Variants in GTF2I observed in about 807,000 individuals in gnomAD.
GTF2I encodes the protein general transcription factor II-I.
In GTF2I, 12 loss-of-function variants were observed where a neutral mutation model predicts 67.6. The ratio of observed to expected loss-of-function variants is 0.18; its 90% CI spans 0.11 to 0.29. The LOEUF (loss-of-function observed/expected upper bound fraction) is 0.29, where lower values mean the gene tolerates loss of function less well. Ranked by LOEUF, GTF2I falls within the 10% of genes least tolerant of loss-of-function variation. The pLI, the probability that GTF2I is intolerant of heterozygous loss-of-function variation, is 1.00. For synonymous variants in GTF2I, 149 were observed against 197.0 expected, an observed-to-expected ratio of 0.76 and a Z score of 2.04; for missense variants, 271 against 580.1, an observed-to-expected ratio of 0.47 and a Z score of 5.47.
At chr7:74,677,746 C>T (rs1806026584) in intron 1 of GTF2I, among the ~76,000 whole-genome samples, 1 of 141,930 alleles carries the variant, frequency 7.0e-6, no homozygotes, top group African/African-American at 2.7e-5. Context: ...CACGCCACTG[C>T]ACTCCAGCCT....
At chr7:74,680,243 T>C (rs1288896738) in intron 1 of GTF2I, among the ~76,000 whole-genome samples, 16 of 149,456 alleles carry the variant, frequency 1.1e-4, no homozygotes, top group Non-Finnish European at 2.2e-4. Context: ...AGGGCATGAA[T>C]GTAATTTAAA....
intron 12 of GTF2I, among the ~76,000 whole-genome samples, chr7:74,720,246 G>GT (rs1203025344): frequency 9.9e-5 from 15 of 151,514 alleles, no homozygotes; most frequent in East Asian, 1.9e-4. Flanking sequence ...TACTTTATTA[G>GT]TTTTTTTTTC....
intron 12 of GTF2I, chr7:74,727,336 TCTATAGAAGTGA>T (rs1244046039): frequency 6.6e-6 from 1 of 152,332 alleles, no homozygotes; most frequent in East Asian, 1.9e-4. Flanking sequence ...CACAGAAGTG[TCTATAGAAGTGA>T]CCCAGTGCTG....
chr7:74,673,531 G>A lies in GTF2I; in HGVS notation c.-6+15463G>A, dbSNP rs587757623. Among the ~76,000 whole-genome samples the A allele has an allele frequency of 6.1e-5, 9 of 148,182 alleles. No individual in the cohort carries two copies. The South Asian group carries it at 8.6e-4, about 14-fold the overall frequency. The stretch of plus-strand genomic sequence containing the variant: ...CGAGTAGCTGGAATTACAGGCATGC[G>A]CAGCCATGCCTGGCTAATTTTGTAT... On this transcript the variant is annotated intron_variant, in intron 1 of 34. Coordinates refer to ENST00000573035, the MANE Select transcript of GTF2I (RefSeq NM_032999.4).
intron 3 of GTF2I, among the ~76,000 whole-genome samples, chr7:74,696,669 T>G (rs1290326774): frequency 6.6e-6 from 1 of 151,810 alleles, no homozygotes; most frequent in African/African-American, 2.4e-5. Flanking sequence ...ATTTTTTGTA[T>G]TTTTTAGTAG....
At chr7:74,687,562 G>A (rs141007108) in intron 1 of GTF2I, 1 of 984,674 alleles carries the variant, frequency 1.0e-6, no homozygotes, top group African/African-American at 1.7e-5. Context: ...TCCTAAGTAT[G>A]TATGCTTCGT....
intron 1 of GTF2I, among the ~76,000 whole-genome samples, chr7:74,668,173 CTTTTTTTTT>C (rs781864782): frequency 1.1e-5 from 1 of 92,962 alleles, no homozygotes; most frequent in Non-Finnish European, 2.0e-5. Flanking sequence ...TGGTGCAGAA[CTTTTTTTTT>C]TTTTTTTTTT....
At chr7:74,694,082 G>A (rs1554397782) in intron 3 of GTF2I, among the ~76,000 whole-genome samples, 4 of 152,166 alleles carry the variant, frequency 2.6e-5, no homozygotes, top group African/African-American at 2.4e-5. Context: ...CAGTGAACAC[G>A]CAAATGATAA....
At chr7:74,739,020 C>T (rs1795009316) in intron 19 of GTF2I, among the ~76,000 whole-genome samples, 1 of 48,002 alleles carries the variant, frequency 2.1e-5, no homozygotes, top group African/African-American at 5.5e-5. Context: ...TATTTCTTTC[C>T]TATCTTTTTT....
rs113648152 is a variant in GTF2I at position 74,674,358 on chromosome 7, G to A, written c.-5-14766G>A. 1.2e-3 allele frequency among the ~76,000 whole-genome samples: 181 copies of A among 152,218 alleles called. 1 individual carries two copies. Among genetic ancestry groups the A allele is most frequent in the South Asian group, 2.1e-3 (10 of 4,822 alleles). ...TGGGATTTCAGAGGTGAGCCACGGC[G>A]CCCAGTCTGAGTCACTTTTAAACTT... is the stretch of plus-strand genomic sequence containing the variant. On this transcript the variant is annotated intron_variant, in intron 1 of 34. Transcript: ENST00000573035.
Position 74,699,054 on chromosome 7 carries a change from C to A in GTF2I, c.332C>A (p.Thr111Lys). Residue 111 changes from threonine (T) to lysine (K), a missense_variant, in exon 4 of 35, where the codon ACA becomes AAA. By Grantham distance (78) the Thr-to-Lys change is moderately conservative (BLOSUM62 -1). Transcript: ENST00000573035. ...AGTGTAGATGCTGTAGAAATTGAAA[C>A]ACTCAGAAAAACAGTTGAGGACTAT... ...RMSVDAVEIE[T>K]LRKTVEDYFC... 6.5e-7 allele frequency: 1 copy of A among 1,536,952 alleles called. No homozygotes were observed. Among genetic ancestry groups the A allele is most frequent in the Non-Finnish European group, 8.8e-7 (1 of 1,138,540 alleles).
intron 1 of GTF2I, among the ~76,000 whole-genome samples, chr7:74,676,375 TGGGAGACTGAG>T (rs2131237778): frequency 6.6e-6 from 1 of 152,240 alleles, no homozygotes; most frequent in South Asian, 2.1e-4. Flanking sequence ...CCCAGCTAAT[TGGGAGACTGAG>T]GTAGGAGGAT....
intron 12 of GTF2I, among the ~76,000 whole-genome samples, chr7:74,719,634 T>G (rs1274235617): frequency 2.0e-5 from 3 of 152,184 alleles, no homozygotes; most frequent in Admixed American, 1.3e-4. Flanking sequence ...AATTAATGTC[T>G]CACAGCTGGG....
chr7:74,715,313 G>A (rs935035949), intron 10 of GTF2I, among the ~76,000 whole-genome samples: 2 of 151,946 alleles, frequency 1.3e-5, no homozygotes, highest in East Asian at 1.9e-4. Context: ...TGTAAGTTTC[G>A]AATTGATTGC....
chr7:74,699,624 C>T (rs927530835), intron 4 of GTF2I: 5 of 152,974 alleles, frequency 3.3e-5, no homozygotes, highest in African/African-American at 7.2e-5. Context: ...TAAGCATGCT[C>T]ATCTCTCTAA....
chr7:74,692,768 T>A (rs1554397385), intron 3 of GTF2I, among the ~76,000 whole-genome samples: 1 of 152,164 alleles, frequency 6.6e-6, no homozygotes, highest in Admixed American at 6.6e-5. Context: ...TTGTTGTCAT[T>A]TTTGTTTTTT....
chr7:74,693,801 G>A (rs1282482451), intron 3 of GTF2I, among the ~76,000 whole-genome samples: 6 of 151,812 alleles, frequency 4.0e-5, no homozygotes, highest in Non-Finnish European at 7.4e-5. Context: ...AGCCAAGATC[G>A]CACCACTGCA....
At position 74,718,935 on chromosome 7, in the gene GTF2I, ATTGAAGGTTAG is replaced by A; in HGVS notation, c.940_943+7del. 1 of 1,540,132 alleles carries A rather than the reference ATTGAAGGTTAG, an allele frequency of 6.5e-7. No individual in the cohort carries two copies. The highest frequency in any genetic ancestry group is 1.4e-5 in the African/African-American group (1 of 72,850). On this transcript the variant is annotated splice_donor_variant and splice_donor_5th_base_variant and coding_sequence_variant and intron_variant, in exon 12 of 35. Coordinates refer to ENST00000573035, the MANE Select transcript of GTF2I (RefSeq NM_032999.4). LOFTEE classifies it high-confidence loss of function. Reference sequence around the variant, plus strand: ...TGAGGACCCTGAAGTTGAGGTGACTATTGAAGGTTAGTTATCTAAAAGCCTTGATTCCAAAG... The same window carrying A: ...TGAGGACCCTGAAGTTGAGGTGACTATTATCTAAAAGCCTTGATTCCAAAG...
intron 1 of GTF2I, among the ~76,000 whole-genome samples, chr7:74,668,591 C>T (rs999969876): frequency 5.3e-5 from 8 of 150,550 alleles, no homozygotes; most frequent in Non-Finnish European, 8.9e-5. Context: ...ATTTATTTAT[C>T]GAGATGGAGT....
Sources: allele counts gnomAD v4.1 joint callset (sites outside exome capture counted in the v4.1 genomes callset), GRCh38; gene constraint gnomAD v4.1.1; transcripts MANE v1.5; gene names NCBI Gene and HGNC (gene_info 2026-07-23, HGNC 2026-07-21).